Variants in FGF14 observed in about 807,000 individuals in gnomAD.
The protein encoded by FGF14 is fibroblast growth factor homologous factor 4.
FGF14 carries 5 observed loss-of-function variants against 25.5 expected under a neutral mutation model. The observed-to-expected ratio is 0.20, with a 90% CI of 0.10 to 0.41. FGF14 has a LOEUF of 0.41. FGF14 is among the 10% of genes least tolerant of loss of function. FGF14 has a pLI of 1.00. For synonymous variants in FGF14, 138 were observed against 118.3 expected (o/e 1.17, Z -1.08); for missense variants, 222 against 320.1 (o/e 0.69, Z 2.34).
At chr13:101,797,773 G>GTGTGTGCA (rs1555384580) in intron 3 of FGF14, among the ~76,000 whole-genome samples, 1 of 128,182 alleles carries the variant, frequency 7.8e-6, no homozygotes, top group East Asian at 2.1e-4. Flanking sequence ...GTGTGTGTGT[G>GTGTGTGCA]TGTGTGTGTT....
At chr13:101,994,958 T>A (rs2039102734) in intron 1 of FGF14, among the ~76,000 whole-genome samples, 1 of 152,114 alleles carries the variant, frequency 6.6e-6, no homozygotes, top group African/African-American at 2.4e-5. Flanking sequence ...TGGCTAATAA[T>A]TATGCAATAC....
chr13:102,206,128 A>AAC (rs59340568), intron 1 of FGF14, among the ~76,000 whole-genome samples: 6,431 of 146,978 alleles, frequency 0.044, 301 homozygotes, highest in African/African-American at 0.1. Context: ...TCAACCTTCA[A>AAC]ACACACACAC....
At chr13:101,889,919 A>G (rs2046185261) in intron 1 of FGF14, among the ~76,000 whole-genome samples, 1 of 152,162 alleles carries the variant, frequency 6.6e-6, no homozygotes, top group African/African-American at 2.4e-5. Context: ...ATGACTCTAC[A>G]CCTGTCAAAA....
chr13:101,816,521 C>T (rs1273972852), intron 3 of FGF14, among the ~76,000 whole-genome samples: 2 of 151,888 alleles, frequency 1.3e-5, no homozygotes, highest in African/African-American at 4.8e-5. Context: ...TTTAATAAAA[C>T]AAAATTATAT....
chr13:102,185,062 C>T (rs1415892926), intron 1 of FGF14, among the ~76,000 whole-genome samples: 1 of 151,972 alleles, frequency 6.6e-6, no homozygotes, highest in African/African-American at 2.4e-5. Context: ...GTAAAGAAAG[C>T]ATATGTTCTC....
chr13:102,219,006 G>A (rs2050495933), intron 1 of FGF14, among the ~76,000 whole-genome samples: 1 of 152,080 alleles, frequency 6.6e-6, no homozygotes, highest in Admixed American at 6.5e-5. Context: ...GGCATACAAT[G>A]CATAATAATC....
At chr13:101,826,088 T>C (rs575204836) in intron 3 of FGF14, among the ~76,000 whole-genome samples, 2 of 152,184 alleles carry the variant, frequency 1.3e-5, no homozygotes, top group Non-Finnish European at 2.9e-5. Flanking sequence ...TCTATCATTT[T>C]AAGCCTCTAT....
intron 1 of FGF14, among the ~76,000 whole-genome samples, chr13:102,351,490 G>C (rs999323377): frequency 6.6e-6 from 1 of 152,126 alleles, no homozygotes; most frequent in Non-Finnish European, 1.5e-5. Flanking sequence ...ATTAGTTATG[G>C]GTAACTAGTT....
intron 3 of FGF14, among the ~76,000 whole-genome samples, chr13:101,802,956 A>C (rs9557738): frequency 0.19 from 29,408 of 151,912 alleles, 2,970 homozygotes; most frequent in Admixed American, 0.24. Context: ...CAGTGCATGC[A>C]CTGTGAGGCT....
intron 1 of FGF14, among the ~76,000 whole-genome samples, chr13:102,301,005 A>G (rs936630244): frequency 3.3e-5 from 5 of 152,074 alleles, no homozygotes; most frequent in Non-Finnish European, 5.9e-5. Context: ...ATCACTATAT[A>G]GAAATTATTT....
At chr13:102,154,925 C>T (rs1427381239) in intron 1 of FGF14, among the ~76,000 whole-genome samples, 2 of 151,994 alleles carry the variant, frequency 1.3e-5, no homozygotes, top group Non-Finnish European at 2.9e-5. Flanking sequence ...AAGGCCATTA[C>T]ATAATGGTAA....
At chr13:102,229,973 T>C (rs1448315515) in intron 1 of FGF14, among the ~76,000 whole-genome samples, 1 of 152,236 alleles carries the variant, frequency 6.6e-6, no homozygotes, top group Non-Finnish European at 1.5e-5. Flanking sequence ...TAGTCACTGA[T>C]ATACTGCTGT....
At chr13:101,976,092 A>G (rs1168520253) in intron 1 of FGF14, among the ~76,000 whole-genome samples, 12 of 149,756 alleles carry the variant, frequency 8.0e-5, no homozygotes, top group African/African-American at 3.0e-4. Flanking sequence ...TTTAGAAAGC[A>G]GAGAGTTATA....
At chr13:102,315,357 A>G (rs1240222776) in intron 1 of FGF14, among the ~76,000 whole-genome samples, 1 of 152,140 alleles carries the variant, frequency 6.6e-6, no homozygotes, top group Non-Finnish European at 1.5e-5. Context: ...GGGACAGTAG[A>G]GCAGTTCCCT....
intron 1 of FGF14, among the ~76,000 whole-genome samples, chr13:102,043,620 G>T (rs1436846052): frequency 6.6e-6 from 1 of 152,098 alleles, no homozygotes; most frequent in Non-Finnish European, 1.5e-5. Flanking sequence ...CATGAAAATG[G>T]AAAACCTTCT....
At chr13:101,793,369 T>C (rs9585782) in intron 3 of FGF14, among the ~76,000 whole-genome samples, 88 of 152,312 alleles carry the variant, frequency 5.8e-4, no homozygotes, top group African/African-American at 2.0e-3. Flanking sequence ...CATAATGTTC[T>C]CCAATTCCAT....
chr13:102,328,689 G>T (rs372661093), intron 1 of FGF14, among the ~76,000 whole-genome samples: 53 of 152,258 alleles, frequency 3.5e-4, no homozygotes, highest in African/African-American at 1.3e-3. Flanking sequence ...GTGGTAAAGG[G>T]GAAAATGAGT....
intron 1 of FGF14, among the ~76,000 whole-genome samples, chr13:102,105,316 G>A (rs999942952): frequency 2.0e-5 from 3 of 152,192 alleles, no homozygotes; most frequent in Non-Finnish European, 4.4e-5. Context: ...CCAGTATTAA[G>A]TAGGTCTAGA....
In FGF14 at chr13:101,722,695, G is replaced by A; in HGVS notation, c.*136C>T. On this transcript the variant is annotated 3_prime_UTR_variant, in exon 5 of 5. Coordinates refer to ENST00000376143, the MANE Select transcript of FGF14 (RefSeq NM_004115.4). ...TTGAGATTTATCCACTTGCAACAGA[G>A]AAGTTCGGAGACAGCAAAGAATAAG... 2 of 1,202,818 alleles carry A rather than the reference G, an allele frequency of 1.7e-6. No homozygotes were observed. The highest frequency in any genetic ancestry group is 2.4e-6 in the Non-Finnish European group (2 of 834,924). 74.5% of individuals were successfully genotyped at this position (1,202,818 alleles called of 1,614,324 possible). A position where few individuals can be genotyped will look rare whatever the true frequency, so the allele number is the denominator to read the frequency against.
Sources: allele counts gnomAD v4.1 joint callset (sites outside exome capture counted in the v4.1 genomes callset), GRCh38; gene constraint gnomAD v4.1.1; transcripts MANE v1.5; gene names NCBI Gene and HGNC (gene_info 2026-07-23, HGNC 2026-07-21).